The following ACOT1 variants were observed in gnomAD, a reference collection of about 807,000 sequenced individuals.
ACOT1 encodes acyl-CoA thioesterase 1.
A neutral mutation model predicts 15.7 loss-of-function variants in ACOT1; 8 were observed. The observed-to-expected ratio is 0.51, with a 90% CI of 0.30 to 0.92. The LOEUF is 0.92. Ranked by LOEUF, ACOT1 falls within the 40% of genes least tolerant of loss-of-function variation. ACOT1 has a pLI of 0.06. For synonymous variants in ACOT1, 67 were observed against 241.2 expected (o/e 0.28, Z 6.69); for missense variants, 151 against 539.4 (o/e 0.28, Z 7.13).
the ACOT1 span, among the ~76,000 whole-genome samples, chr14:73,502,651 G>A: frequency 3.3e-5 from 5 of 151,984 alleles, no homozygotes; most frequent in Non-Finnish European, 7.4e-5. Flanking sequence ...AGGTTCAAGC[G>A]ATTCTCCTGT....
the ACOT1 span, chr14:73,492,383 C>T: frequency 1.2e-6 from 2 of 1,613,710 alleles, no homozygotes; most frequent in African/African-American, 1.3e-5. This position sits in a 1 kb window ranked among gnomAD's most constrained non-coding sequence, Gnocchi z 4.9. Flanking sequence ...GGGTCTGCCC[C>T]GAGACTTCAT....
the ACOT1 span, chr14:73,521,172 A>G: frequency 5.3e-6 from 4 of 758,604 alleles, no homozygotes; most frequent in East Asian, 5.1e-5. Flanking sequence ...CAGAACACCA[A>G]TGTTTAACTT....
the ACOT1 span, chr14:73,491,016 C>G: frequency 6.7e-7 from 1 of 1,492,918 alleles, no homozygotes; most frequent in Non-Finnish European, 9.0e-7. Flanking sequence ...TGTGGTCTGG[C>G]CATGGATGGG....
chr14:73,534,303 C>T (rs1385767698), upstream of ACOT1, among the ~76,000 whole-genome samples: 4 of 109,512 alleles, frequency 3.7e-5, no homozygotes, highest in African/African-American at 9.0e-5. Flanking sequence ...CACTGGAACC[C>T]GGGAGCCAGA....
At position 73,537,154 on chromosome 14, in the gene ACOT1, C is replaced by T. The variant is rs1888889029; in HGVS notation, c.-268C>T. 5.7e-5 allele frequency: 20 copies of T among 352,238 alleles called. 2 individuals carry two copies. Among genetic ancestry groups the T allele is most frequent in the Non-Finnish European group, 8.6e-5 (18 of 209,582 alleles). The allele number at this position is 352,238 out of a possible 1,614,324, so 21.8% of individuals were successfully genotyped here. A position where few individuals can be genotyped will look rare whatever the true frequency, so the allele number is the denominator to read the frequency against. ...TCCTGGCCCAGCCCATTCCGCGAGCCAGCAAGCTTCTGAAAAGCAAACCTA... is the reference window on the plus strand; with the variant it reads ...TCCTGGCCCAGCCCATTCCGCGAGCTAGCAAGCTTCTGAAAAGCAAACCTA... On this transcript the variant is annotated 5_prime_UTR_variant, in exon 1 of 3. Coordinates refer to ENST00000311148, the MANE Select transcript of ACOT1 (RefSeq NM_001037161.2).
the ACOT1 span, chr14:73,495,095 C>A: frequency 3.1e-6 from 2 of 652,080 alleles, no homozygotes; most frequent in South Asian, 5.5e-5. Flanking sequence ...TGGATGGTAG[C>A]CAAGAGGGAA....
the ACOT1 span, chr14:73,508,014 G>A: frequency 5.4e-6 from 5 of 921,360 alleles, no homozygotes; most frequent in African/African-American, 3.3e-5. Context: ...CCGAAGTGTT[G>A]GGATTACAGG....
the ACOT1 span, among the ~76,000 whole-genome samples, chr14:73,527,852 G>T: frequency 6.7e-6 from 1 of 149,978 alleles, no homozygotes; most frequent in Non-Finnish European, 1.5e-5. Context: ...GGTGGCAGGT[G>T]CCTGTAATCC....
the ACOT1 span, among the ~76,000 whole-genome samples, chr14:73,524,293 C>CAAAAAAAAA: frequency 1.4e-4 from 8 of 56,654 alleles, no homozygotes; most frequent in Non-Finnish European, 1.8e-4. Context: ...AACTCCGTCT[C>CAAAAAAAAA]AAAAAAAAAA....
the ACOT1 span, chr14:73,491,126 A>T: frequency 2.5e-6 from 4 of 1,607,732 alleles, no homozygotes; most frequent in Non-Finnish European, 3.4e-6. Flanking sequence ...CTTGAGGTCC[A>T]GGAAGATACG....
the ACOT1 span, among the ~76,000 whole-genome samples, chr14:73,495,543 A>G: frequency 6.6e-6 from 1 of 152,076 alleles, no homozygotes. Context: ...TGATCATGCC[A>G]CTGCACTCCA....
chr14:73,494,415 G>A, the ACOT1 span, among the ~76,000 whole-genome samples: 4 of 152,300 alleles, frequency 2.6e-5, no homozygotes, highest in South Asian at 8.3e-4. Context: ...CACCATAATG[G>A]ATAGTTTTCT....
the ACOT1 span, among the ~76,000 whole-genome samples, chr14:73,521,246 C>T: frequency 2.0e-5 from 3 of 152,122 alleles, no homozygotes; most frequent in Non-Finnish European, 1.5e-5. Context: ...CTACAGCTGT[C>T]CTGCCTGGCT....
chr14:73,507,540 C>T, the ACOT1 span, among the ~76,000 whole-genome samples: 1 of 150,476 alleles, frequency 6.6e-6, no homozygotes, highest in Non-Finnish European at 1.5e-5. Flanking sequence ...CTCAAGTGAT[C>T]CTCCCACCTC....
At chr14:73,495,166 C>G in the ACOT1 span, 1 of 1,476,064 alleles carries the variant, frequency 6.8e-7, no homozygotes, top group Admixed American at 1.9e-5. Context: ...CCAAAACATC[C>G]AGATCCTGGA....
the ACOT1 span, chr14:73,519,017 G>C: frequency 3.7e-6 from 6 of 1,610,518 alleles, no homozygotes; most frequent in African/African-American, 6.7e-5. Flanking sequence ...TTAGCTTCCT[G>C]CTTACATGCT....
chr14:73,504,531 T>C, the ACOT1 span, among the ~76,000 whole-genome samples: 7 of 152,104 alleles, frequency 4.6e-5, no homozygotes, highest in Non-Finnish European at 8.8e-5. Flanking sequence ...TGCGAGCCAC[T>C]GTGCCCGGCC....
the ACOT1 span, chr14:73,508,344 C>T: frequency 1.3e-6 from 2 of 1,571,196 alleles, no homozygotes; most frequent in Non-Finnish European, 1.7e-6. Context: ...TGTTTTCCCC[C>T]TAGAGAACAG....
chr14:73,513,001 T>C, the ACOT1 span, among the ~76,000 whole-genome samples: 58 of 152,326 alleles, frequency 3.8e-4, no homozygotes, highest in Middle Eastern at 3.4e-3. Flanking sequence ...TCTACTCTCC[T>C]ATCTTTGAAG....
Sources: gnomAD v4.1 joint callset for allele counts (sites outside exome capture counted in the v4.1 genomes callset) on GRCh38, gnomAD v4.1.1 for gene constraint, Gnocchi (gnomAD v3.1) non-coding constraint, MANE v1.5 for transcripts, NCBI Gene and HGNC (gene_info 2026-07-23, HGNC 2026-07-21) for gene names.